CHRDL1: variants seen among roughly 807,000 people sequenced by gnomAD.
CHRDL1 encodes chordin like 1.
In CHRDL1, 19 loss-of-function variants were observed where a neutral mutation model predicts 40.9. The ratio of observed to expected loss-of-function variants is 0.46; its 90% CI spans 0.32 to 0.68. CHRDL1 has a LOEUF of 0.68. Ranked by LOEUF, CHRDL1 falls within the 30% of genes least tolerant of loss-of-function variation. The pLI is 0.03. For synonymous variants in CHRDL1, 136 were observed against 123.4 expected, an observed-to-expected ratio of 1.10 and a Z score of -0.68; for missense variants, 329 against 352.1, an observed-to-expected ratio of 0.93 and a Z score of 0.53.
At chrX:110,682,357 A>G (rs982930714) in intron 9 of CHRDL1, among the ~76,000 whole-genome samples, 5 of 112,238 alleles carry the variant, frequency 4.5e-5, no homozygotes, top group African/African-American at 1.6e-4. Context: ...GCGATGGATC[A>G]TTTAATGTGT....
chrX:110,730,186 T>TA (rs2071131238), intron 4 of CHRDL1, among the ~76,000 whole-genome samples: 2 of 112,304 alleles, frequency 1.8e-5, no homozygotes, highest in South Asian at 7.5e-4. Context: ...ACCTGTAATG[T>TA]AATGACAAGG....
chrX:110,793,943 A>C (rs1220871158), intron 1 of CHRDL1, among the ~76,000 whole-genome samples: 1 of 112,418 alleles, frequency 8.9e-6, no homozygotes, highest in Non-Finnish European at 1.9e-5. Flanking sequence ...ACTAGAGAGC[A>C]ATTAATCTCC....
At chrX:110,749,657 GACACCCTA>G (rs747234452) in intron 4 of CHRDL1, among the ~76,000 whole-genome samples, 5 of 111,683 alleles carry the variant, frequency 4.5e-5, no homozygotes, top group African/African-American at 6.5e-5. Flanking sequence ...TTCAATAACT[GACACCCTA>G]AGTCTGCCAG....
At position 110,742,959 on chromosome X, in the gene CHRDL1, G is replaced by A. The variant is rs141720189; in HGVS notation, c.301+16702C>T. Among the ~76,000 whole-genome samples, 600 of 111,878 alleles carry A rather than the reference G, an allele frequency of 5.4e-3. 3 individuals carry two copies. The highest frequency in any genetic ancestry group is 0.018 in the African/African-American group (546 of 30,745). On this transcript the variant is annotated intron_variant, in intron 4 of 11. Coordinates refer to ENST00000372042, the MANE Select transcript of CHRDL1 (RefSeq NM_001143981.2). Reference sequence around the variant, plus strand: ...GAGGTACAAAATTAAATTCACTGCCGCACAGAAGTATCCAGCGAATGGGAT... The same window carrying A: ...GAGGTACAAAATTAAATTCACTGCCACACAGAAGTATCCAGCGAATGGGAT...
chrX:110,693,176 G>A (rs950616091), intron 8 of CHRDL1, among the ~76,000 whole-genome samples: 2 of 109,847 alleles, frequency 1.8e-5, no homozygotes, highest in Admixed American at 2.0e-4. Context: ...GGCAGGGGGC[G>A]GGTGGAGGCC....
At chrX:110,715,021 GAAC>G (rs982689137) in intron 6 of CHRDL1, among the ~76,000 whole-genome samples, 2 of 111,610 alleles carry the variant, frequency 1.8e-5, no homozygotes, top group African/African-American at 3.3e-5. Flanking sequence ...GGCAATGAAA[GAAC>G]AACAATTTTT....
chrX:110,717,447 G>A (rs891270166), intron 6 of CHRDL1, among the ~76,000 whole-genome samples: 3 of 111,778 alleles, frequency 2.7e-5, no homozygotes, highest in African/African-American at 9.8e-5. Flanking sequence ...AGAGTCGGGG[G>A]TTGACATGTA....
At chrX:110,711,631 T>C (rs1268835546) in intron 6 of CHRDL1, among the ~76,000 whole-genome samples, 1 of 112,199 alleles carries the variant, frequency 8.9e-6, no homozygotes, top group African/African-American at 3.2e-5. Flanking sequence ...GGATTTGCTG[T>C]TATTTTCTTC....
intron 9 of CHRDL1, among the ~76,000 whole-genome samples, chrX:110,688,354 A>T (rs758408607): frequency 1.8e-5 from 2 of 112,187 alleles, no homozygotes; most frequent in African/African-American, 6.5e-5. Flanking sequence ...AGCATAGGTA[A>T]GTTCAACACT....
chrX:110,689,424 C>CTATATATCTATATATATCTA, intron 8 of CHRDL1, among the ~76,000 whole-genome samples: 1 of 67,299 alleles, frequency 1.5e-5, no homozygotes, highest in East Asian at 3.4e-4. Context: ...CTATATATAT[C>CTATATATCTATATATATCTA]TATATATCTA....
intron 4 of CHRDL1, among the ~76,000 whole-genome samples, chrX:110,744,961 T>TCACA (rs530325738): frequency 0.012 from 993 of 84,471 alleles, 10 homozygotes; most frequent in South Asian, 0.046. Flanking sequence ...TCTCTCTCAT[T>TCACA]CACACACACA....
chrX:110,731,807 G>A (rs2071166692), intron 4 of CHRDL1, among the ~76,000 whole-genome samples: 1 of 111,270 alleles, frequency 9.0e-6, no homozygotes, highest in Non-Finnish European at 1.9e-5. Flanking sequence ...AGGAGCTGGG[G>A]GAAGGGGAGA....
At chrX:110,749,245 G>T (rs974119580) in intron 4 of CHRDL1, among the ~76,000 whole-genome samples, 1 of 111,398 alleles carries the variant, frequency 9.0e-6, no homozygotes, top group African/African-American at 3.3e-5. Flanking sequence ...AAAACAGGAT[G>T]AATTTATTGA....
chrX:110,734,072 T>G (rs1386744310), intron 4 of CHRDL1, among the ~76,000 whole-genome samples: 1 of 111,553 alleles, frequency 9.0e-6, no homozygotes, highest in East Asian at 2.8e-4. Flanking sequence ...GCAAGGTGAT[T>G]CTTCATTTAA....
chrX:110,774,941 T>C (rs926041516), intron 2 of CHRDL1, among the ~76,000 whole-genome samples: 16 of 111,867 alleles, frequency 1.4e-4, no homozygotes, highest in African/African-American at 4.5e-4. Flanking sequence ...AAAGTAATGC[T>C]TGCATACTTT....
intron 4 of CHRDL1, among the ~76,000 whole-genome samples, chrX:110,757,535 T>G (rs144616748): frequency 9.0e-6 from 1 of 111,692 alleles, no homozygotes; most frequent in African/African-American, 3.2e-5. Context: ...CCCAGCCAAA[T>G]TATCATTCAA....
intron 9 of CHRDL1, among the ~76,000 whole-genome samples, chrX:110,686,496 A>G (rs1322852592): frequency 9.0e-6 from 1 of 111,606 alleles, no homozygotes; most frequent in Non-Finnish European, 1.9e-5. Flanking sequence ...GACCCCTGAC[A>G]GAAGAGAAAA....
At chrX:110,676,442 C>A in intron 11 of CHRDL1, 81 bp from the exon 12 acceptor site, 1 of 917,328 alleles carries the variant, frequency 1.1e-6, no homozygotes, top group Non-Finnish European at 1.5e-6. Flanking sequence ...CAATATACCC[C>A]ATGCTTACCC....
chrX:110,756,691 A>G (rs753155880), intron 4 of CHRDL1, among the ~76,000 whole-genome samples: 2 of 105,327 alleles, frequency 1.9e-5, no homozygotes, highest in Non-Finnish European at 3.8e-5. Context: ...AAGAAAAAAC[A>G]AAAACAAAAA....
Sources: gnomAD v4.1 joint callset for allele counts (sites outside exome capture counted in the v4.1 genomes callset) on GRCh38, gnomAD v4.1.1 for gene constraint, MANE v1.5 for transcripts, NCBI Gene and HGNC (gene_info 2026-07-23, HGNC 2026-07-21) for gene names.